Variants in SRPK1 observed in about 807,000 individuals in gnomAD.
SRPK1 encodes SRSF protein kinase 1.
In SRPK1, 52 loss-of-function variants were observed where a neutral mutation model predicts 89.5. The observed-to-expected ratio is 0.58, with a 90% CI of 0.46 to 0.73. The LOEUF is 0.73. SRPK1 is among the 30% of genes least tolerant of loss of function. The probability of loss-of-function intolerance (pLI) is 0.00; values close to 1 mark genes in which losing one functional copy is unlikely to be tolerated. For synonymous variants in SRPK1, 255 were observed against 270.2 expected (o/e 0.94, Z 0.55); for missense variants, 603 against 780.6 (o/e 0.77, Z 2.71).
At chr6:35,911,826 AT>A (rs1159917190) in intron 2 of SRPK1, among the ~76,000 whole-genome samples, 1 of 152,074 alleles carries the variant, frequency 6.6e-6, no homozygotes, top group Non-Finnish European at 1.5e-5. Flanking sequence ...CATAATCTTA[AT>A]TTATAAAACA....
intron 5 of SRPK1, among the ~76,000 whole-genome samples, chr6:35,887,469 C>T (rs187107160): frequency 2.0e-4 from 31 of 152,170 alleles, no homozygotes; most frequent in Non-Finnish European, 3.7e-4. Flanking sequence ...GAGGACATAC[C>T]GGGGTAAAGG....
At chr6:35,915,991 A>AT (rs1554158177) in intron 2 of SRPK1, among the ~76,000 whole-genome samples, 18 of 86,300 alleles carry the variant, frequency 2.1e-4, no homozygotes, top group Middle Eastern at 5.1e-3. Flanking sequence ...AAAAAAAAAA[A>AT]ATATATACAC....
Position 35,888,797 on chromosome 6 carries a change from A to T in SRPK1, c.302+18T>A. 1 of 1,503,430 alleles carries T rather than the reference A, an allele frequency of 6.7e-7. No homozygotes were observed. Among genetic ancestry groups the T allele is most frequent in the Non-Finnish European group, 9.3e-7 (1 of 1,079,914 alleles). The allele number at this position is 1,503,430 out of a possible 1,614,324, so 93.1% of individuals were successfully genotyped here. A position where few individuals can be genotyped will look rare whatever the true frequency, so the allele number is the denominator to read the frequency against. The stretch of plus-strand genomic sequence containing the variant: ...GACATCATCTAACTAATTCTTTTAC[A>T]GAACCACTAAAACTTACTGAATATC... On this transcript the variant is annotated intron_variant, in intron 4 of 15. Coordinates refer to ENST00000373825, the MANE Select transcript of SRPK1 (RefSeq NM_003137.5).
At chr6:35,907,038 A>T (rs189478341) in intron 2 of SRPK1, among the ~76,000 whole-genome samples, 1 of 152,288 alleles carries the variant, frequency 6.6e-6, no homozygotes, top group African/African-American at 2.4e-5. Flanking sequence ...TGAAACCCTA[A>T]ATAAATTAAT....
At chr6:35,890,301 G>A (rs952154554) in intron 3 of SRPK1, among the ~76,000 whole-genome samples, 13 of 152,096 alleles carry the variant, frequency 8.5e-5, no homozygotes, top group African/African-American at 2.7e-4. Context: ...ACAGAAGAAG[G>A]CCTGAAAAGG....
chr6:35,888,792 T>C lies in SRPK1; in HGVS notation c.302+23A>G, dbSNP rs772294868. 2.7e-6 allele frequency: 4 copies of C among 1,475,024 alleles called. No individual in the cohort carries two copies. In the East Asian group the frequency reaches 9.1e-5, roughly 33 times the overall value. 91.4% of individuals were successfully genotyped at this position (1,475,024 alleles called of 1,614,324 possible). A position where few individuals can be genotyped will look rare whatever the true frequency, so the allele number is the denominator to read the frequency against. ...ATTTAGACATCATCTAACTAATTCT[T>C]TTACAGAACCACTAAAACTTACTGA... On this transcript the variant is annotated intron_variant, in intron 4 of 15. Transcript: ENST00000373825.
chr6:35,899,923 C>G (rs1437985946), intron 2 of SRPK1, among the ~76,000 whole-genome samples: 2 of 151,694 alleles, frequency 1.3e-5, no homozygotes, highest in Non-Finnish European at 2.9e-5. Context: ...ATCGCTTGAA[C>G]CTGGGAGGCA....
At chr6:35,847,947 C>T (rs1280390159) in intron 13 of SRPK1, among the ~76,000 whole-genome samples, 1 of 151,874 alleles carries the variant, frequency 6.6e-6, no homozygotes. Flanking sequence ...CCCACCTCAG[C>T]CTCCCAAGTA....
chr6:35,857,096 G>A, intron 13 of SRPK1, 165 bp downstream of exon 13: 10 of 541,350 alleles, frequency 1.8e-5, no homozygotes, highest in Non-Finnish European at 3.2e-6. Flanking sequence ...ATGCCAGACA[G>A]GTTTTTGAAT....
At chr6:35,850,243 C>T (rs1369255392) in intron 13 of SRPK1, among the ~76,000 whole-genome samples, 3 of 152,158 alleles carry the variant, frequency 2.0e-5, no homozygotes, top group Admixed American at 1.3e-4. Flanking sequence ...CTTTGAAACT[C>T]ATTTCAAACC....
At chr6:35,911,990 C>G (rs375164375) in intron 2 of SRPK1, among the ~76,000 whole-genome samples, 4 of 152,126 alleles carry the variant, frequency 2.6e-5, no homozygotes, top group African/African-American at 7.2e-5. Flanking sequence ...ATTGCCACAG[C>G]TACTCCAACC....
At chr6:35,880,742 A>AAAAAAAAGAAAG (rs1561983713) in intron 6 of SRPK1, among the ~76,000 whole-genome samples, 8 of 28,190 alleles carry the variant, frequency 2.8e-4, no homozygotes, top group South Asian at 2.2e-3. Context: ...AAAGAAAAAA[A>AAAAAAAAGAAAG]AAAAAAAAGA....
At chr6:35,882,444 G>A (rs560978037) in intron 6 of SRPK1, among the ~76,000 whole-genome samples, 1 of 152,132 alleles carries the variant, frequency 6.6e-6, no homozygotes, top group South Asian at 2.1e-4. Context: ...AGCCTCCCAA[G>A]TAGCTGGGAC....
chr6:35,920,579 C>G, intron 1 of SRPK1, 51 bp from the exon 2 acceptor site: 1 of 1,587,532 alleles, frequency 6.3e-7, no homozygotes, highest in South Asian at 1.1e-5. Flanking sequence ...AAGGAGGCGA[C>G]CAAGGTGAGG....
chr6:35,842,433 C>A (rs1769329325), intron 14 of SRPK1, 102 bp downstream of exon 14: 4 of 740,212 alleles, frequency 5.4e-6, no homozygotes, highest in Non-Finnish European at 8.1e-6. Flanking sequence ...ACATGTTTTG[C>A]ACACTAACAA....
Position 35,842,522 on chromosome 6 carries a change from T to TA in SRPK1, c.1690+12dup. 6.2e-7 allele frequency: 1 copy of TA among 1,605,272 alleles called. No homozygotes were observed. Among genetic ancestry groups the TA allele is most frequent in the South Asian group, 1.1e-5 (1 of 89,352 alleles). ...AATACCACGCACACACATCCATGGT[T>TA]AAGGGGACTCACCTTCATCTCGAGT... On this transcript the variant is annotated intron_variant, in intron 14 of 15. Transcript: ENST00000373825.
At chr6:35,917,836 G>T (rs958499037) in intron 2 of SRPK1, among the ~76,000 whole-genome samples, 1 of 152,212 alleles carries the variant, frequency 6.6e-6, no homozygotes, top group African/African-American at 2.4e-5. Context: ...TTTTCACTAT[G>T]ACTGAACTGC....
rs570391338 is a variant in SRPK1 at position 35,841,177 on chromosome 6, A to G, written c.1690+1358T>C. On this transcript the variant is annotated intron_variant, in intron 14 of 15. Coordinates refer to ENST00000373825, the MANE Select transcript of SRPK1 (RefSeq NM_003137.5). ...GAAAAATAGCAAGCAGAGAGTAGGT[A>G]AAATCAAGTAGTAATTATAGTATCC... is the stretch of plus-strand genomic sequence containing the variant. 2.6e-5 allele frequency among the ~76,000 whole-genome samples: 4 copies of G among 152,338 alleles called. No homozygotes were observed. The South Asian group carries it at 8.3e-4, about 32-fold the overall frequency.
intron 12 of SRPK1, among the ~76,000 whole-genome samples, chr6:35,863,545 TA>T (rs1465634095): frequency 1.4e-5 from 2 of 142,578 alleles, no homozygotes; most frequent in Non-Finnish European, 3.0e-5. Flanking sequence ...AAATAGTAGA[TA>T]AAAATTTCCC....
Sources: allele counts gnomAD v4.1 joint callset (sites outside exome capture counted in the v4.1 genomes callset), GRCh38; gene constraint gnomAD v4.1.1; transcripts MANE v1.5; gene names NCBI Gene and HGNC (gene_info 2026-07-23, HGNC 2026-07-21).